PKNOX2: variants seen among roughly 807,000 people sequenced by gnomAD.
PKNOX2 encodes the protein homeobox protein PKNOX2.
In PKNOX2, 14 loss-of-function variants were observed where a neutral mutation model predicts 53.1. The ratio of observed to expected loss-of-function variants is 0.26; its 90% CI spans 0.17 to 0.41. The LOEUF (loss-of-function observed/expected upper bound fraction) is 0.41. Ranked by LOEUF, PKNOX2 falls within the 10% of genes least tolerant of loss-of-function variation. The pLI is 1.00. For synonymous variants in PKNOX2, 257 were observed against 242.8 expected, an observed-to-expected ratio of 1.06 and a Z score of -0.54; for missense variants, 496 against 602.8, an observed-to-expected ratio of 0.82 and a Z score of 1.85.
At chr11:125,225,694 A>G (rs1565473588) in intron 1 of PKNOX2, among the ~76,000 whole-genome samples, 2 of 152,156 alleles carry the variant, frequency 1.3e-5, no homozygotes. Flanking sequence ...CTGGTGCCAA[A>G]TACTGTCCTC....
intron 1 of PKNOX2, among the ~76,000 whole-genome samples, chr11:125,232,422 C>A (rs918996375): frequency 6.6e-6 from 1 of 152,184 alleles, no homozygotes; most frequent in Admixed American, 6.5e-5. Flanking sequence ...TCATCCTCAC[C>A]ACCACCCTCA....
At chr11:125,258,452 T>C (rs1944581808) in intron 2 of PKNOX2, among the ~76,000 whole-genome samples, 1 of 151,998 alleles carries the variant, frequency 6.6e-6, no homozygotes, top group South Asian at 2.1e-4. Context: ...GGAAAGAGAG[T>C]ATAATTTTAA....
chr11:125,205,864 TGAAAA>T (rs1440507431), intron 1 of PKNOX2, among the ~76,000 whole-genome samples: 1 of 152,010 alleles, frequency 6.6e-6, no homozygotes, highest in African/African-American at 2.4e-5. Flanking sequence ...AGGCAATTTA[TGAAAA>T]GAAAAGTAAC....
intron 2 of PKNOX2, among the ~76,000 whole-genome samples, chr11:125,298,794 G>A (rs1050888784): frequency 1.3e-5 from 2 of 152,116 alleles, no homozygotes; most frequent in Non-Finnish European, 2.9e-5. Flanking sequence ...ACGTATTCCC[G>A]GGGTCTCCGC....
At chr11:125,348,099 A>G (rs1213548113) in intron 3 of PKNOX2, among the ~76,000 whole-genome samples, 1 of 152,102 alleles carries the variant, frequency 6.6e-6, no homozygotes, top group African/African-American at 2.4e-5. Context: ...GCTTCCCCCA[A>G]AGGGCCAGGA....
intron 6 of PKNOX2, among the ~76,000 whole-genome samples, chr11:125,394,794 G>A (rs376268014): frequency 5.3e-5 from 8 of 152,218 alleles, no homozygotes; most frequent in African/African-American, 1.7e-4. Context: ...AGCATCACCC[G>A]CTCCTAGCGG....
rs143271483 is a variant in PKNOX2 at position 125,265,859 on chromosome 11, CCT to C, written c.-130+30746_-130+30747del. Among the ~76,000 whole-genome samples the C allele has an allele frequency of 6.7e-3, 1,026 of 152,306 alleles. 16 individuals carry two copies. The highest frequency in any genetic ancestry group is 0.023 in the African/African-American group (970 of 41,550). Reference sequence around the variant, plus strand: ...CTTAAAGAGGAATAGGCGTTCCTCTCCTCACCGTCTAAACTCTCAGAGTAGTC... The same window carrying C: ...CTTAAAGAGGAATAGGCGTTCCTCTCCACCGTCTAAACTCTCAGAGTAGTC... On this transcript the variant is annotated intron_variant, in intron 2 of 12. Transcript: ENST00000298282.
At chr11:125,175,684 G>A (rs890665514) in intron 1 of PKNOX2, among the ~76,000 whole-genome samples, 1 of 152,228 alleles carries the variant, frequency 6.6e-6, no homozygotes, top group African/African-American at 2.4e-5. Flanking sequence ...GCAGGCCAGT[G>A]TAGAACAAGC....
chr11:125,253,282 T>C (rs1279099026), intron 2 of PKNOX2, among the ~76,000 whole-genome samples: 1 of 151,254 alleles, frequency 6.6e-6, no homozygotes, highest in East Asian at 1.9e-4. Flanking sequence ...ATCATGTAGA[T>C]ATTATCATTT....
At chr11:125,362,124 A>AT (rs1403976662) in intron 4 of PKNOX2, among the ~76,000 whole-genome samples, 1 of 151,100 alleles carries the variant, frequency 6.6e-6, no homozygotes, top group Non-Finnish European at 1.5e-5. Context: ...CTTAGAACAC[A>AT]TGCAGAGGGG....
intron 2 of PKNOX2, among the ~76,000 whole-genome samples, chr11:125,250,976 C>T (rs909340862): frequency 6.6e-6 from 1 of 152,244 alleles, no homozygotes; most frequent in African/African-American, 2.4e-5. Flanking sequence ...TTGCCTTTTT[C>T]ACACACCCAG....
intron 7 of PKNOX2, among the ~76,000 whole-genome samples, chr11:125,398,308 A>G (rs531647026): frequency 6.6e-6 from 1 of 152,342 alleles, no homozygotes; most frequent in Admixed American, 6.5e-5. Context: ...GGAGAGGGAC[A>G]ATGTCCAAAA....
At chr11:125,336,785 G>A (rs1950454126) in intron 3 of PKNOX2, among the ~76,000 whole-genome samples, 1 of 145,386 alleles carries the variant, frequency 6.9e-6, no homozygotes, top group Non-Finnish European at 1.5e-5. Flanking sequence ...ATATTATATA[G>A]TATACTATAT....
chr11:125,238,740 T>C (rs1942929618), intron 2 of PKNOX2, among the ~76,000 whole-genome samples: 2 of 152,204 alleles, frequency 1.3e-5, no homozygotes, highest in African/African-American at 4.8e-5. Flanking sequence ...TCTGTCCCCT[T>C]TTGTGAAACT....
chr11:125,369,681 G>A lies in PKNOX2; in HGVS notation c.227+1696G>A, dbSNP rs56837778. Reference sequence around the variant, plus strand: ...CACTAGGTGGAGAAATGGGGTAGGAGAGGACCTTCCAGGACCAGCCAGTGG... The same window carrying A: ...CACTAGGTGGAGAAATGGGGTAGGAAAGGACCTTCCAGGACCAGCCAGTGG... On this transcript the variant is annotated intron_variant, in intron 5 of 12. Transcript: ENST00000298282. 8.8e-3 allele frequency among the ~76,000 whole-genome samples: 1,342 copies of A among 152,322 alleles called. 26 individuals are homozygous for A. Among genetic ancestry groups the A allele is most frequent in the African/African-American group, 0.031 (1,274 of 41,572 alleles).
intron 5 of PKNOX2, among the ~76,000 whole-genome samples, chr11:125,380,170 G>A (rs1010879174): frequency 4.6e-5 from 7 of 152,200 alleles, no homozygotes; most frequent in South Asian, 2.1e-4. Context: ...AGGCGGAGGC[G>A]CAGAGCTGAA....
intron 2 of PKNOX2, among the ~76,000 whole-genome samples, chr11:125,328,877 G>T (rs1167929480): frequency 6.6e-6 from 1 of 152,180 alleles, no homozygotes; most frequent in Non-Finnish European, 1.5e-5. Context: ...CAACTACCTG[G>T]CAAGGGAAAG....
At chr11:125,296,444 T>C (rs1372148356) in intron 2 of PKNOX2, among the ~76,000 whole-genome samples, 1 of 152,186 alleles carries the variant, frequency 6.6e-6, no homozygotes, top group Non-Finnish European at 1.5e-5. Flanking sequence ...TTCCTCCATG[T>C]GCCCACATTG....
At chr11:125,173,755 C>T (rs1955500648) in intron 1 of PKNOX2, among the ~76,000 whole-genome samples, 1 of 152,192 alleles carries the variant, frequency 6.6e-6, no homozygotes, top group South Asian at 2.1e-4. Flanking sequence ...GGTCTGCCAG[C>T]CCAGGTGTAA....
Sources: gnomAD v4.1 joint callset for allele counts (sites outside exome capture counted in the v4.1 genomes callset) on GRCh38, gnomAD v4.1.1 for gene constraint, MANE v1.5 for transcripts, NCBI Gene and HGNC (gene_info 2026-07-23, HGNC 2026-07-21) for gene names.